DPYD: variants seen among roughly 807,000 people sequenced by gnomAD.
DPYD encodes dihydropyrimidine dehydrogenase, also known as dihydropyrimidine dehydrogenase [NADP(+)].
In DPYD, 109 loss-of-function variants were observed where a neutral mutation model predicts 116.2. The ratio of observed to expected loss-of-function variants is 0.94; its 90% CI spans 0.80 to 1.10. The LOEUF is 1.10. Ranked by LOEUF, DPYD falls within the 50% of genes least tolerant of loss-of-function variation. The probability of loss-of-function intolerance (pLI) is 0.00; values close to 1 mark genes in which losing one functional copy is unlikely to be tolerated. For missense variants in DPYD, 1,302 were observed against 1,254.5 expected, an observed-to-expected ratio of 1.04 and a Z score of -0.57; for synonymous variants, 440 against 432.0, an observed-to-expected ratio of 1.02 and a Z score of -0.23.
At chr1:97,780,633 C>G (rs1435212777) in intron 3 of DPYD, among the ~76,000 whole-genome samples, 3 of 152,158 alleles carry the variant, frequency 2.0e-5, no homozygotes, top group Non-Finnish European at 4.4e-5. Flanking sequence ...GCTGTCAACT[C>G]AGAAGGAGGT....
intron 2 of DPYD, among the ~76,000 whole-genome samples, chr1:97,838,192 C>T (rs1272730578): frequency 1.3e-5 from 2 of 152,060 alleles, no homozygotes; most frequent in African/African-American, 4.8e-5. Flanking sequence ...ATTAGCTAAG[C>T]ATTTTGTTTA....
intron 12 of DPYD, among the ~76,000 whole-genome samples, chr1:97,516,240 T>C (rs979747609): frequency 1.3e-5 from 2 of 152,010 alleles, no homozygotes; most frequent in African/African-American, 4.8e-5. Context: ...TTAGAATTTT[T>C]CTCCCTGGTC....
In DPYD at chr1:97,617,284, A is replaced by C. The variant is rs140876536; in HGVS notation, c.851-22118T>G. On this transcript the variant is annotated intron_variant, in intron 8 of 22. Transcript: ENST00000370192. The stretch of plus-strand genomic sequence containing the variant: ...CAAGACTGTTCTAAAATGTCTATAC[A>C]AAAACACTCAACTATCCATGCCTAA... Among the ~76,000 whole-genome samples, 700 of 152,280 alleles carry C rather than the reference A, an allele frequency of 4.6e-3. 10 individuals are homozygous for C. Among genetic ancestry groups the C allele is most frequent in the African/African-American group, 0.016 (655 of 41,558 alleles).
chr1:97,193,156 T>C lies in DPYD; in HGVS notation c.2535A>G (p.Glu845=). The C allele has an allele frequency of 6.2e-7, 1 of 1,614,070 alleles. No homozygotes were observed. The highest frequency in any genetic ancestry group is 1.1e-5 in the South Asian group (1 of 91,090). ...GACTCTGTCCATCCCAGTCTTGTAG[T>C]TCTTCAATGCTTTTCAGATAAAGCA... is the stretch of plus-strand genomic sequence containing the variant. ...KALLYLKSIE[E]LQDWDGQSPA... The change falls in exon 20 of 23, where the codon GAA becomes GAG. Residue 845 remains glutamate (E), a synonymous_variant. Transcript: ENST00000370192.
intron 14 of DPYD, among the ~76,000 whole-genome samples, chr1:97,410,999 G>C (rs1350266044): frequency 1.3e-5 from 2 of 152,102 alleles, no homozygotes; most frequent in African/African-American, 4.8e-5. Flanking sequence ...AGTGAGCTGG[G>C]AATGGCTACA....
At chr1:97,716,929 T>C (rs1662648992) in intron 5 of DPYD, among the ~76,000 whole-genome samples, 1 of 152,060 alleles carries the variant, frequency 6.6e-6, no homozygotes, top group African/African-American at 2.4e-5. Flanking sequence ...CAATTTTTTA[T>C]TTTTTATTTT....
At chr1:97,751,456 GTGTGTATATATATATATATA>G (rs1216993326) in intron 3 of DPYD, among the ~76,000 whole-genome samples, 40 of 24,422 alleles carry the variant, frequency 1.6e-3, no homozygotes, top group African/African-American at 4.4e-3. Context: ...GTGTGTGTGT[GTGTGTATATATATATATATA>G]TATATATATA....
At chr1:97,152,062 T>C (rs1384329405) in intron 20 of DPYD, among the ~76,000 whole-genome samples, 1 of 152,226 alleles carries the variant, frequency 6.6e-6, no homozygotes, top group Non-Finnish European at 1.5e-5. Flanking sequence ...TTATGGATAA[T>C]GTATTAATCA....
At chr1:97,202,684 C>T (rs762474762) in intron 19 of DPYD, among the ~76,000 whole-genome samples, 1 of 152,194 alleles carries the variant, frequency 6.6e-6, no homozygotes, top group Non-Finnish European at 1.5e-5. Flanking sequence ...AGATGGCCTG[C>T]GCTGATTAGT....
At chr1:97,872,858 T>C (rs1409002784) in intron 2 of DPYD, among the ~76,000 whole-genome samples, 6 of 151,942 alleles carry the variant, frequency 3.9e-5, no homozygotes, top group Admixed American at 3.9e-4. Context: ...AGTCTACGAC[T>C]TCAGCCATGC....
intron 13 of DPYD, among the ~76,000 whole-genome samples, chr1:97,458,093 A>C (rs1676795982): frequency 6.6e-6 from 1 of 152,204 alleles, no homozygotes; most frequent in African/African-American, 2.4e-5. Flanking sequence ...GCTTTGAAGA[A>C]ATCTTTTAAG....
At chr1:97,477,615 T>TC (rs1678048626) in intron 13 of DPYD, among the ~76,000 whole-genome samples, 2 of 20,524 alleles carry the variant, frequency 9.7e-5, no homozygotes, top group Admixed American at 1.8e-3. Flanking sequence ...TTTTTTTTTT[T>TC]TTTTTTTTTT....
At chr1:97,595,921 TTAAAC>T (rs1654847521) in intron 8 of DPYD, among the ~76,000 whole-genome samples, 1 of 151,916 alleles carries the variant, frequency 6.6e-6, no homozygotes, top group Non-Finnish European at 1.5e-5. Context: ...TTTAAGAAAA[TTAAAC>T]TATACACCAA....
At chr1:97,215,953 T>C (rs1288391902) in intron 19 of DPYD, among the ~76,000 whole-genome samples, 1 of 152,182 alleles carries the variant, frequency 6.6e-6, no homozygotes, top group Non-Finnish European at 1.5e-5. Context: ...CTGCGGTAAT[T>C]GCAAATTAAT....
chr1:97,556,177 T>C (rs1281065686), intron 11 of DPYD, among the ~76,000 whole-genome samples: 2 of 152,132 alleles, frequency 1.3e-5, no homozygotes, highest in African/African-American at 2.4e-5. Context: ...CCCCTTGTTG[T>C]GCTCCTTGAT....
intron 21 of DPYD, chr1:97,095,858 T>A (rs1315282118): frequency 6.6e-6 from 1 of 152,076 alleles, no homozygotes; most frequent in African/African-American, 2.4e-5. Context: ...TGCCTAGAAA[T>A]GACAACAGGT....
intron 14 of DPYD, among the ~76,000 whole-genome samples, chr1:97,399,636 T>A (rs539872429): frequency 5.3e-5 from 8 of 152,270 alleles, no homozygotes; most frequent in African/African-American, 1.9e-4. Context: ...AGCAGTGGTT[T>A]GTAGTTCTCC....
At position 97,193,099 on chromosome 1, in the gene DPYD, T is replaced by C; in HGVS notation, c.2592A>G (p.Pro864=). 1 of 1,614,056 alleles carries C rather than the reference T, an allele frequency of 6.2e-7. No homozygotes were observed. Among genetic ancestry groups the C allele is most frequent in the Non-Finnish European group, 8.5e-7 (1 of 1,179,952 alleles). The change falls in exon 20 of 23, where the codon CCA becomes CCG. Residue 864 remains proline (P), a synonymous_variant. Coordinates refer to ENST00000370192, the MANE Select transcript of DPYD (RefSeq NM_000110.4). The part of the protein sequence containing the change: ...PATVSHQKGK[P]VPRIAELMDK... ...CCATGAGTTCAGCTATACGTGGAAC[T>C]GGTTTCCCTTTCTGGTGACTCACAG...
In DPYD at chr1:97,483,352, T is replaced by C. The variant is rs74739342; in HGVS notation, c.1740+32374A>G. ...TTCCTGAGAAAGGGCTCATGGAAGG[T>C]AAATGTATTTATCTGCCCTTGCTAT... On this transcript the variant is annotated intron_variant, in intron 13 of 22. Coordinates refer to ENST00000370192, the MANE Select transcript of DPYD (RefSeq NM_000110.4). Among the ~76,000 whole-genome samples, 822 of 152,306 alleles carry C rather than the reference T, an allele frequency of 5.4e-3. 18 individuals carry two copies. The highest frequency in any genetic ancestry group is 0.048 in the Admixed American group (735 of 15,284).
Sources: gnomAD v4.1 joint callset for allele counts (sites outside exome capture counted in the v4.1 genomes callset) on GRCh38, gnomAD v4.1.1 for gene constraint, MANE v1.5 for transcripts, NCBI Gene and HGNC (gene_info 2026-07-23, HGNC 2026-07-21) for gene names.